NXNL2: variants seen among roughly 807,000 people sequenced by gnomAD.
NXNL2 encodes the protein nucleoredoxin like 2.
A neutral mutation model predicts 11.1 loss-of-function variants in NXNL2; 7 were observed. That is an observed-to-expected ratio of 0.63 (90% confidence interval 0.36 to 1.18). The LOEUF is 1.18. Ranked by LOEUF, NXNL2 falls within the 50% of genes most tolerant of loss-of-function variation. NXNL2 has a pLI of 0.02. For missense variants in NXNL2, 233 were observed against 217.7 expected (o/e 1.07, Z -0.44); for synonymous variants, 109 against 101.8 (o/e 1.07, Z -0.42).
intron 1 of NXNL2, among the ~76,000 whole-genome samples, chr9:88,553,068 C>T (rs1297688634): frequency 6.6e-6 from 1 of 152,138 alleles, no homozygotes; most frequent in Non-Finnish European, 1.5e-5. Context: ...CCCATGGGAC[C>T]CAGTCTTGCC....
intron 1 of NXNL2, among the ~76,000 whole-genome samples, chr9:88,563,474 C>G (rs1341565854): frequency 6.6e-6 from 1 of 152,180 alleles, no homozygotes; most frequent in Non-Finnish European, 1.5e-5. Context: ...TCGAACCGCC[C>G]ACTCCCACCC....
At chr9:88,573,755 C>T (rs992800911) in intron 2 of NXNL2, among the ~76,000 whole-genome samples, 1 of 152,128 alleles carries the variant, frequency 6.6e-6, no homozygotes, top group Admixed American at 6.5e-5. Context: ...CTGAACTGTA[C>T]ACTAAAATGG....
chr9:88,581,460 G>T (rs749216824), intron 1 of NXNL2, among the ~76,000 whole-genome samples: 1 of 150,714 alleles, frequency 6.6e-6, no homozygotes, highest in Non-Finnish European at 1.5e-5. Flanking sequence ...TTGAGATGGA[G>T]TTTCGCTCTT....
chr9:88,561,635 G>A (rs553411854), intron 1 of NXNL2, among the ~76,000 whole-genome samples: 1 of 152,186 alleles, frequency 6.6e-6, no homozygotes, highest in African/African-American at 2.4e-5. Context: ...GTAGGGGTGT[G>A]GGGATACAAA....
Position 88,559,461 on chromosome 9 carries a change from G to A in NXNL2, c.303-11626G>A, listed in dbSNP as rs551023770. Among the ~76,000 whole-genome samples, 13 of 152,312 alleles carry A rather than the reference G, an allele frequency of 8.5e-5. No homozygotes were observed. The South Asian group carries it at 2.5e-3, about 29-fold the overall frequency. Reference sequence around the variant, plus strand: ...GTCCTTCATGACCAGCCAGCATCTGGTACTTGCCCCTCCAACAGCAACAAC... The same window carrying A: ...GTCCTTCATGACCAGCCAGCATCTGATACTTGCCCCTCCAACAGCAACAAC... On this transcript the variant is annotated intron_variant, in intron 1 of 2. Coordinates refer to the NXNL2 transcript ENST00000375855.
downstream of NXNL2, among the ~76,000 whole-genome samples, chr9:88,580,096 G>T (rs1460051766): frequency 6.6e-6 from 1 of 150,582 alleles, no homozygotes; most frequent in Non-Finnish European, 1.5e-5. Flanking sequence ...CCAAGATCGC[G>T]CCATTGCACG....
At chr9:88,549,317 C>T (rs1180917294), downstream of NXNL2, among the ~76,000 whole-genome samples, 3 of 152,188 alleles carry the variant, frequency 2.0e-5, no homozygotes, top group African/African-American at 7.2e-5. Context: ...CCCCGGGCTG[C>T]TCCACGGCTC....
At chr9:88,569,611 G>A (rs769271365) in intron 1 of NXNL2, among the ~76,000 whole-genome samples, 11 of 152,178 alleles carry the variant, frequency 7.2e-5, no homozygotes, top group Non-Finnish European at 1.2e-4. Flanking sequence ...TTTAAGATAT[G>A]CTTTGTATCA....
chr9:88,555,015 G>A (rs920157196), intron 1 of NXNL2, among the ~76,000 whole-genome samples: 1 of 152,156 alleles, frequency 6.6e-6, no homozygotes, highest in African/African-American at 2.4e-5. Context: ...TAGATTGACT[G>A]CCTCATTTAT....
At chr9:88,554,253 G>T (rs369471071) in intron 1 of NXNL2, among the ~76,000 whole-genome samples, 1 of 152,018 alleles carries the variant, frequency 6.6e-6, no homozygotes. Flanking sequence ...TCACCCAGGC[G>T]GGAGTGAAGT....
At chr9:88,563,945 T>A (rs989036974) in intron 1 of NXNL2, among the ~76,000 whole-genome samples, 1 of 152,052 alleles carries the variant, frequency 6.6e-6, no homozygotes, top group African/African-American at 2.4e-5. Flanking sequence ...GCGCGGTGGT[T>A]CACACCTGTA....
intron 1 of NXNL2, among the ~76,000 whole-genome samples, chr9:88,550,193 C>G (rs966175366): frequency 2.0e-5 from 3 of 152,180 alleles, no homozygotes; most frequent in Admixed American, 6.5e-5. Flanking sequence ...GAGAATGGCA[C>G]TAAACCATTC....
rs573267149 is a variant in NXNL2, at chr9:88,556,000, C to T, written c.303-15087C>T. ...GACCAGGTGTGCCTTGAATGGCTTC[C>T]ACCTTGGGTGCTGGCATCTGGATGA... On this transcript the variant is annotated intron_variant, in intron 1 of 2. Transcript: ENST00000375855. Among the ~76,000 whole-genome samples the T allele has an allele frequency of 4.6e-5, 7 of 152,314 alleles. No homozygotes were observed. In the East Asian group the frequency reaches 9.7e-4, roughly 21 times the overall value.
downstream of NXNL2, among the ~76,000 whole-genome samples, chr9:88,580,349 T>A (rs1203469521): frequency 6.6e-6 from 1 of 151,918 alleles, no homozygotes; most frequent in Admixed American, 6.6e-5. Flanking sequence ...GAGATGGGAT[T>A]TCACCATGTT....
Position 88,540,053 on chromosome 9 carries a change from C to T in NXNL2, c.302+4317C>T, listed in dbSNP as rs150941939. Reference sequence around the variant, plus strand: ...ATTTTAAATTTTAGGTGTTGTGCGGCCGGGCGTGGTGGCTCACGCCTGTAA... The same window carrying T: ...ATTTTAAATTTTAGGTGTTGTGCGGTCGGGCGTGGTGGCTCACGCCTGTAA... On this transcript the variant is annotated intron_variant, in intron 1 of 1. Transcript: ENST00000375854. 7.6e-3 allele frequency among the ~76,000 whole-genome samples: 1,149 copies of T among 151,818 alleles called. 11 individuals carry two copies. The highest frequency in any genetic ancestry group is 0.026 in the African/African-American group (1,073 of 41,412).
At chr9:88,560,611 A>G (rs542198843) in intron 1 of NXNL2, among the ~76,000 whole-genome samples, 37 of 152,258 alleles carry the variant, frequency 2.4e-4, no homozygotes, top group African/African-American at 8.9e-4. Flanking sequence ...TTCAAGAGCA[A>G]AGAAGACACA....
intron 1 of NXNL2, among the ~76,000 whole-genome samples, chr9:88,563,973 G>A (rs1408663553): frequency 2.0e-5 from 3 of 151,872 alleles, no homozygotes; most frequent in Admixed American, 6.6e-5. Flanking sequence ...CACTTTGGGA[G>A]GCCAAAGTGG....
At chr9:88,550,243 A>G (rs752873352) in intron 1 of NXNL2, among the ~76,000 whole-genome samples, 40 of 152,142 alleles carry the variant, frequency 2.6e-4, no homozygotes, top group Non-Finnish European at 5.1e-4. Context: ...CCACCCACCA[A>G]GCCCCACCTC....
chr9:88,560,090 T>C (rs1347880217), intron 1 of NXNL2, among the ~76,000 whole-genome samples: 1 of 152,108 alleles, frequency 6.6e-6, no homozygotes, highest in Non-Finnish European at 1.5e-5. Flanking sequence ...CTGTCTTTTA[T>C]CATCAGGAAC....
Sources: allele counts gnomAD v4.1 joint callset (sites outside exome capture counted in the v4.1 genomes callset), GRCh38; gene constraint gnomAD v4.1.1; transcripts MANE v1.5; gene names NCBI Gene and HGNC (gene_info 2026-07-23, HGNC 2026-07-21).